Variants in SOX6 observed in about 807,000 individuals in gnomAD.
SOX6 encodes the protein transcription factor SOX-6.
Under a neutral mutation model 97.8 loss-of-function variants are expected in SOX6, and 11 were observed. That is an observed-to-expected ratio of 0.11 (90% CI 0.07 to 0.19). The LOEUF (loss-of-function observed/expected upper bound fraction) is 0.19, where lower values mean the gene tolerates loss of function less well. Among genes scored for constraint, SOX6 ranks in the 10% least tolerant of loss-of-function variants. SOX6 has a pLI of 1.00. For missense variants in SOX6, 810 were observed against 1,039.5 expected (o/e 0.78, Z 3.04); for synonymous variants, 360 against 371.4 (o/e 0.97, Z 0.35).
intron 3 of SOX6, chr11:16,264,735 C>T (rs1382476440): frequency 1.3e-5 from 2 of 150,958 alleles, no homozygotes; most frequent in East Asian, 3.9e-4. Context: ...ATGTGTTTCA[C>T]ATCTTTAATT....
intron 6 of SOX6, among the ~76,000 whole-genome samples, chr11:16,138,770 A>C (rs1850047664): frequency 6.6e-6 from 1 of 151,066 alleles, no homozygotes; most frequent in African/African-American, 2.4e-5. Context: ...CTCATTGTTC[A>C]ATTCCCACCT....
intron 13 of SOX6, among the ~76,000 whole-genome samples, chr11:16,001,032 T>A (rs543057954): frequency 1.3e-5 from 2 of 151,808 alleles, no homozygotes; most frequent in African/African-American, 2.4e-5. Context: ...AATTTTTTTT[T>A]ATTTTTATTT....
chr11:16,484,470 C>T, intron 4 of SOX6: 1 of 807,356 alleles, frequency 1.2e-6, no homozygotes, highest in Non-Finnish European at 2.2e-6. Context: ...TCGCACTTCA[C>T]CACCTGCTCC....
At chr11:16,052,829 G>A (rs1220719703) in intron 10 of SOX6, among the ~76,000 whole-genome samples, 1 of 152,142 alleles carries the variant, frequency 6.6e-6, no homozygotes, top group East Asian at 1.9e-4. Context: ...CAGTACTGAG[G>A]TTATACCCTT....
At chr11:16,562,864 G>T (rs1473199392) in intron 4 of SOX6, among the ~76,000 whole-genome samples, 1 of 152,094 alleles carries the variant, frequency 6.6e-6, no homozygotes, top group Non-Finnish European at 1.5e-5. Context: ...ACTACAAGAA[G>T]CCCCACCACC....
chr11:16,637,070 G>C (rs1169199668), intron 3 of SOX6, among the ~76,000 whole-genome samples: 1 of 152,076 alleles, frequency 6.6e-6, no homozygotes, highest in Non-Finnish European at 1.5e-5. Flanking sequence ...AGTCTCTCTA[G>C]AAATTGGCCT....
upstream of SOX6, among the ~76,000 whole-genome samples, chr11:16,360,812 G>C (rs1331708321): frequency 6.6e-6 from 1 of 152,030 alleles, no homozygotes; most frequent in Non-Finnish European, 1.5e-5. Context: ...GACCATCCTG[G>C]CTAACATGGT....
At chr11:16,203,523 A>G (rs1851994133) in intron 4 of SOX6, among the ~76,000 whole-genome samples, 1 of 152,158 alleles carries the variant, frequency 6.6e-6, no homozygotes, top group Non-Finnish European at 1.5e-5. Context: ...CAAAGACAAG[A>G]GTTCCCAAAC....
At chr11:16,356,789 G>A (rs1298024137), upstream of SOX6, among the ~76,000 whole-genome samples, 1 of 152,076 alleles carries the variant, frequency 6.6e-6, no homozygotes, top group Non-Finnish European at 1.5e-5. Context: ...TCTGTGTGGT[G>A]AGAGTTTACA....
At chr11:16,109,092 G>A (rs1329229934) in intron 7 of SOX6, among the ~76,000 whole-genome samples, 1 of 152,114 alleles carries the variant, frequency 6.6e-6, no homozygotes, top group Admixed American at 6.5e-5. Context: ...TCATCTTGTT[G>A]TTTAGGGAAC....
chr11:16,137,719 T>A (rs1746800542), intron 6 of SOX6, among the ~76,000 whole-genome samples: 1 of 152,210 alleles, frequency 6.6e-6, no homozygotes, highest in South Asian at 2.1e-4. Context: ...CCAAATCTCA[T>A]CCTGAATTGT....
intron 3 of SOX6, among the ~76,000 whole-genome samples, chr11:16,255,175 A>G (rs1565050871): frequency 6.6e-6 from 1 of 152,042 alleles, no homozygotes; most frequent in Non-Finnish European, 1.5e-5. Context: ...AGATTTTAAC[A>G]CCCCTCTATG....
At chr11:16,649,717 GAA>G in intron 3 of SOX6, among the ~76,000 whole-genome samples, 1 of 143,146 alleles carries the variant, frequency 7.0e-6, no homozygotes, top group African/African-American at 2.6e-5. Flanking sequence ...TAACACAACA[GAA>G]AAAAAAAAGG....
chr11:16,570,734 T>G (rs1248660239), intron 4 of SOX6, among the ~76,000 whole-genome samples: 1 of 152,200 alleles, frequency 6.6e-6, no homozygotes, highest in Middle Eastern at 3.2e-3. Context: ...TTCTTTAGTC[T>G]CTCAGTCCTT....
chr11:16,030,818 GT>G (rs1239228602), intron 12 of SOX6, among the ~76,000 whole-genome samples: 1 of 151,950 alleles, frequency 6.6e-6, no homozygotes, highest in Non-Finnish European at 1.5e-5. Context: ...AACAAAAAGT[GT>G]TTTATTTATG....
At chr11:16,229,136 C>T (rs987123720) in intron 4 of SOX6, among the ~76,000 whole-genome samples, 2 of 152,036 alleles carry the variant, frequency 1.3e-5, no homozygotes, top group African/African-American at 4.8e-5. Context: ...TCTCCCTTTC[C>T]CAGCTTCATT....
At chr11:16,058,470 G>A (rs966919736) in intron 9 of SOX6, among the ~76,000 whole-genome samples, 1 of 152,058 alleles carries the variant, frequency 6.6e-6, no homozygotes, top group African/African-American at 2.4e-5. Flanking sequence ...CTAAAAAGCT[G>A]ACTGGAAGGT....
At chr11:16,101,748 C>T (rs921412411) in intron 7 of SOX6, among the ~76,000 whole-genome samples, 4 of 151,740 alleles carry the variant, frequency 2.6e-5, no homozygotes, top group Non-Finnish European at 4.4e-5. Flanking sequence ...ACACATGATA[C>T]ACCACATAAA....
chr11:15,997,327 C>A (rs574517336), intron 13 of SOX6, among the ~76,000 whole-genome samples: 1 of 151,938 alleles, frequency 6.6e-6, no homozygotes, highest in Non-Finnish European at 1.5e-5. Context: ...AATAATATTG[C>A]GTAAAGGTAT....
Sources: gnomAD v4.1 joint callset for allele counts (sites outside exome capture counted in the v4.1 genomes callset) on GRCh38, gnomAD v4.1.1 for gene constraint, MANE v1.5 for transcripts, NCBI Gene and HGNC (gene_info 2026-07-23, HGNC 2026-07-21) for gene names.